GRID2: variants seen among roughly 807,000 people sequenced by gnomAD.
GRID2 encodes glutamate receptor ionotropic, delta-2.
Under a neutral mutation model 114.8 loss-of-function variants are expected in GRID2, and 33 were observed. The ratio of observed to expected loss-of-function variants is 0.29; its 90% CI spans 0.22 to 0.38. The LOEUF is 0.38. GRID2 is among the 10% of genes least tolerant of loss of function. The pLI, the probability that GRID2 is intolerant of heterozygous loss-of-function variation, is 1.00. For synonymous variants in GRID2, 505 were observed against 449.9 expected (o/e 1.12, Z -1.55); for missense variants, 1,184 against 1,257.7 (o/e 0.94, Z 0.89).
rs553059737 is a variant in GRID2 at position 92,853,212 on chromosome 4, G to A, written c.245-231783G>A. 2.0e-5 allele frequency among the ~76,000 whole-genome samples: 3 copies of A among 152,052 alleles called. No individual in the cohort carries two copies. The East Asian group carries it at 5.8e-4, about 29-fold the overall frequency. ...CACGACCATCACAAAGTATCAGAAGGATTAAATGATATAATATATGACTCA... is the reference window on the plus strand; with the variant it reads ...CACGACCATCACAAAGTATCAGAAGAATTAAATGATATAATATATGACTCA... On this transcript the variant is annotated intron_variant, in intron 2 of 15. Coordinates refer to ENST00000282020, the MANE Select transcript of GRID2 (RefSeq NM_001510.4).
intron 13 of GRID2, among the ~76,000 whole-genome samples, chr4:93,549,607 T>C (rs1325518996): frequency 2.6e-5 from 4 of 152,174 alleles, no homozygotes; most frequent in Non-Finnish European, 5.9e-5. Context: ...TGGTCAGACC[T>C]ACACCATGGA....
In GRID2 at chr4:93,045,550, C is replaced by T. The variant is rs145617707; in HGVS notation, c.245-39445C>T. On this transcript the variant is annotated intron_variant, in intron 2 of 15. Transcript: ENST00000282020. ...TAAAGAAAGAAATATTGCCATGAAA[C>T]AGAAGACAAACAACAGGGGACATTT... Among the ~76,000 whole-genome samples, 31 of 152,170 alleles carry T rather than the reference C, an allele frequency of 2.0e-4. No individual in the cohort carries two copies. In the East Asian group the frequency reaches 5.6e-3, roughly 27 times the overall value.
chr4:93,386,588 A>G (rs1560567391), intron 8 of GRID2, among the ~76,000 whole-genome samples: 2 of 152,138 alleles, frequency 1.3e-5, no homozygotes, highest in Non-Finnish European at 1.5e-5. Context: ...GTCCAGAAAG[A>G]AAGTGCCAGC....
chr4:92,479,102 G>A (rs1415363356), intron 1 of GRID2, among the ~76,000 whole-genome samples: 5 of 151,922 alleles, frequency 3.3e-5, no homozygotes, highest in Admixed American at 6.6e-5. Flanking sequence ...AGATATTTGT[G>A]GTTATTGATA....
intron 2 of GRID2, among the ~76,000 whole-genome samples, chr4:92,913,549 TG>T (rs1287992105): frequency 2.0e-5 from 3 of 151,988 alleles, no homozygotes; most frequent in Admixed American, 2.0e-4. Context: ...TGCATGAACT[TG>T]TCCTAGATGA....
chr4:93,535,790 G>A (rs1732002822), intron 13 of GRID2, among the ~76,000 whole-genome samples: 1 of 151,666 alleles, frequency 6.6e-6, no homozygotes. Context: ...ATATATTTTG[G>A]ATATTAACCC....
chr4:92,603,302 T>C (rs1314282657), intron 2 of GRID2, among the ~76,000 whole-genome samples: 1 of 152,052 alleles, frequency 6.6e-6, no homozygotes, highest in Non-Finnish European at 1.5e-5. Context: ...CAAACTATAC[T>C]ACAGGCTACA....
chr4:92,317,383 A>G (rs1490960136), intron 1 of GRID2, among the ~76,000 whole-genome samples: 1 of 152,240 alleles, frequency 6.6e-6, no homozygotes, highest in Non-Finnish European at 1.5e-5. Flanking sequence ...TTTTAATTAT[A>G]TAGGTGTAAT....
chr4:93,081,053 C>T (rs1264230298), intron 2 of GRID2, among the ~76,000 whole-genome samples: 1 of 152,182 alleles, frequency 6.6e-6, no homozygotes, highest in African/African-American at 2.4e-5. Flanking sequence ...TAGGTTCCAC[C>T]TCCCAACACC....
chr4:92,952,345 C>T (rs1337482510), intron 2 of GRID2, among the ~76,000 whole-genome samples: 1 of 152,106 alleles, frequency 6.6e-6, no homozygotes, highest in Non-Finnish European at 1.5e-5. Context: ...TTTTATCAAT[C>T]GTAGACGACC....
At chr4:93,598,059 A>G (rs988184503) in intron 13 of GRID2, among the ~76,000 whole-genome samples, 4 of 152,224 alleles carry the variant, frequency 2.6e-5, no homozygotes, top group African/African-American at 9.6e-5. Flanking sequence ...ACAATGGACT[A>G]TCATATACTC....
intron 14 of GRID2, among the ~76,000 whole-genome samples, chr4:93,729,329 A>C (rs1730263185): frequency 6.6e-6 from 1 of 152,210 alleles, no homozygotes; most frequent in Non-Finnish European, 1.5e-5. Flanking sequence ...ATCCAGGATG[A>C]GACAAGACTG....
At chr4:92,343,696 C>T (rs1427560610) in intron 1 of GRID2, among the ~76,000 whole-genome samples, 1 of 152,058 alleles carries the variant, frequency 6.6e-6, no homozygotes, top group African/African-American at 2.4e-5. Context: ...GCCTCATCCT[C>T]CCGAGTAGTT....
chr4:93,509,585 A>G (rs369769074), intron 12 of GRID2, among the ~76,000 whole-genome samples: 1 of 152,214 alleles, frequency 6.6e-6, no homozygotes, highest in Non-Finnish European at 1.5e-5. Flanking sequence ...CCTCTGCTCA[A>G]TAGAGAAAGA....
intron 7 of GRID2, among the ~76,000 whole-genome samples, chr4:93,230,667 T>C (rs1410789844): frequency 1.3e-5 from 2 of 152,044 alleles, no homozygotes. Flanking sequence ...AAATACCAGG[T>C]TTTTTGGTTT....
chr4:92,643,977 C>T (rs1283954602), intron 2 of GRID2, among the ~76,000 whole-genome samples: 2 of 151,586 alleles, frequency 1.3e-5, no homozygotes, highest in African/African-American at 4.8e-5. Flanking sequence ...TTATTTAACT[C>T]ATTGTCTTAT....
intron 2 of GRID2, among the ~76,000 whole-genome samples, chr4:92,762,246 G>T (rs923237430): frequency 6.6e-6 from 1 of 151,918 alleles, no homozygotes; most frequent in Non-Finnish European, 1.5e-5. Flanking sequence ...TTATGATACT[G>T]TCCAGGCTGA....
At chr4:93,617,938 G>A (rs1478650208) in intron 13 of GRID2, among the ~76,000 whole-genome samples, 1 of 152,086 alleles carries the variant, frequency 6.6e-6, no homozygotes, top group Non-Finnish European at 1.5e-5. Context: ...AAACAGTGTT[G>A]CTTTCAGCTA....
intron 2 of GRID2, among the ~76,000 whole-genome samples, chr4:92,867,076 G>A (rs1267458912): frequency 1.3e-5 from 2 of 151,968 alleles, no homozygotes; most frequent in Non-Finnish European, 2.9e-5. Context: ...TACATTTTAA[G>A]AAATTTAAGA....
Sources: gnomAD v4.1 joint callset for allele counts (sites outside exome capture counted in the v4.1 genomes callset) on GRCh38, gnomAD v4.1.1 for gene constraint, MANE v1.5 for transcripts, NCBI Gene and HGNC (gene_info 2026-07-23, HGNC 2026-07-21) for gene names.